Variants in CRADD observed in about 807,000 individuals in gnomAD.
The protein encoded by CRADD is death domain-containing protein CRADD.
In CRADD, 9 loss-of-function variants were observed where a neutral mutation model predicts 15.5. The observed-to-expected ratio is 0.58, with a 90% CI of 0.35 to 1.01. The LOEUF (loss-of-function observed/expected upper bound fraction) is 1.01, where lower values mean the gene tolerates loss of function less well. Ranked by LOEUF, CRADD falls within the 50% of genes least tolerant of loss-of-function variation. The pLI is 0.02. For missense variants in CRADD, 227 were observed against 250.3 expected (o/e 0.91, Z 0.63); for synonymous variants, 118 against 107.6 (o/e 1.10, Z -0.60).
intron 2 of CRADD, among the ~76,000 whole-genome samples, chr12:93,764,353 T>C (rs187056518): frequency 3.6e-4 from 55 of 151,890 alleles, no homozygotes; most frequent in Non-Finnish European, 7.2e-4. Flanking sequence ...TCTAGAAATG[T>C]TTAGGGATAC....
At chr12:93,841,516 T>G (rs1403214009) in intron 2 of CRADD, among the ~76,000 whole-genome samples, 1 of 152,216 alleles carries the variant, frequency 6.6e-6, no homozygotes, top group Non-Finnish European at 1.5e-5. Flanking sequence ...GGGCTCTTTG[T>G]CAAGGGAGGG....
chr12:93,855,994 G>T (rs10745666), intron 2 of CRADD, among the ~76,000 whole-genome samples: 63,096 of 151,684 alleles, frequency 0.42, 13,354 homozygotes, highest in Middle Eastern at 0.54. Flanking sequence ...TTGTAGTAGA[G>T]ACGGGGTTTC....
At chr12:93,857,322 C>A (rs564791644) in intron 2 of CRADD, among the ~76,000 whole-genome samples, 148 of 152,288 alleles carry the variant, frequency 9.7e-4, no homozygotes, top group African/African-American at 2.4e-3. Flanking sequence ...TGACGTATAA[C>A]CTCCTACTTG....
At chr12:93,802,785 G>C (rs913300401) in intron 2 of CRADD, among the ~76,000 whole-genome samples, 3 of 152,168 alleles carry the variant, frequency 2.0e-5, no homozygotes, top group Non-Finnish European at 4.4e-5. Flanking sequence ...GTTACTGGGG[G>C]AGCTTCTCAG....
chr12:93,690,642 T>G (rs11107154), intron 2 of CRADD, among the ~76,000 whole-genome samples: 1 of 152,112 alleles, frequency 6.6e-6, no homozygotes, highest in Non-Finnish European at 1.5e-5. Context: ...ACTACTGTTA[T>G]CATTTGCATT....
chr12:93,708,997 CT>C (rs953556576), intron 2 of CRADD: 3 of 152,186 alleles, frequency 2.0e-5, no homozygotes, highest in Non-Finnish European at 4.4e-5. Flanking sequence ...TCTCGGGCTT[CT>C]TTTATATGGG....
intron 2 of CRADD, among the ~76,000 whole-genome samples, chr12:93,781,261 A>G (rs1387175341): frequency 2.6e-5 from 4 of 152,184 alleles, no homozygotes; most frequent in East Asian, 1.9e-4. Context: ...TTCTAAAGAC[A>G]CAAGACAATA....
chr12:93,764,174 G>C (rs1176406557), intron 2 of CRADD, among the ~76,000 whole-genome samples: 1 of 140,782 alleles, frequency 7.1e-6, no homozygotes, highest in East Asian at 2.4e-4. Flanking sequence ...GATCAGACAT[G>C]ATCAACTTTT....
intron 2 of CRADD, among the ~76,000 whole-genome samples, chr12:93,847,057 C>G (rs1565937509): frequency 6.6e-6 from 1 of 152,190 alleles, no homozygotes; most frequent in Non-Finnish European, 1.5e-5. Flanking sequence ...GAGCTGAGAT[C>G]ACGCCACTGC....
intron 2 of CRADD, among the ~76,000 whole-genome samples, chr12:93,867,266 A>C (rs1415002471): frequency 6.6e-6 from 1 of 151,288 alleles, no homozygotes; most frequent in East Asian, 1.9e-4. Flanking sequence ...TACGGCTTTC[A>C]TTTTCCCTCC....
chr12:93,773,835 T>TTTTTG (rs1957112350), intron 2 of CRADD, among the ~76,000 whole-genome samples: 1 of 147,374 alleles, frequency 6.8e-6, no homozygotes, highest in Non-Finnish European at 1.5e-5. Flanking sequence ...TTTTTTTTTT[T>TTTTTG]GAGACAGGGT....
chr12:93,792,124 A>G (rs1273673068), intron 2 of CRADD, among the ~76,000 whole-genome samples: 1 of 152,172 alleles, frequency 6.6e-6, no homozygotes, highest in Non-Finnish European at 1.5e-5. Flanking sequence ...TCTCTTCACA[A>G]TAGCTGGAAG....
In CRADD at chr12:93,848,080, C is replaced by T. The variant is rs141513487; in HGVS notation, c.299-1890C>T. Among the ~76,000 whole-genome samples the T allele has an allele frequency of 1.9e-3, 292 of 152,180 alleles. 1 individual carries two copies. Among genetic ancestry groups the T allele is most frequent in the African/African-American group, 6.7e-3 (279 of 41,514 alleles). On this transcript the variant is annotated intron_variant, in intron 2 of 2. Transcript: ENST00000332896. ...ATACAGAGATATCCAGAATGATGGTCACCAACTGTAAACACAATAGCGGGA... is the reference window on the plus strand; with the variant it reads ...ATACAGAGATATCCAGAATGATGGTTACCAACTGTAAACACAATAGCGGGA...
intron 2 of CRADD, among the ~76,000 whole-genome samples, chr12:93,826,051 G>C (rs1320951543): frequency 6.6e-6 from 1 of 152,188 alleles, no homozygotes; most frequent in African/African-American, 2.4e-5. Context: ...AAATCTGAAA[G>C]CCCGGAACTT....
chr12:93,680,861 G>A (rs1336868566), intron 2 of CRADD, among the ~76,000 whole-genome samples: 1 of 151,908 alleles, frequency 6.6e-6, no homozygotes, highest in Non-Finnish European at 1.5e-5. Context: ...TCATGCTGTT[G>A]TATGTCATTC....
intron 2 of CRADD, among the ~76,000 whole-genome samples, chr12:93,731,952 C>T (rs911051725): frequency 9.9e-5 from 15 of 152,106 alleles, no homozygotes; most frequent in African/African-American, 3.4e-4. Flanking sequence ...GATTGACCAA[C>T]ATGGAGAAAC....
In CRADD at chr12:93,678,897, T is replaced by C. The variant is rs1046998433; in HGVS notation, c.123T>C (p.Ile41=). The change falls in exon 2 of 3, where the codon ATT becomes ATC. Residue 41 remains isoleucine (I), a synonymous_variant. Transcript: ENST00000332896. ...AAGGAATCTTGACGGAAAACCATAT[T>C]CAAGAAATCAATGCTCAAACCACAG... ...YQEGILTENH[I]QEINAQTTGL... The C allele has an allele frequency of 6.2e-7, 1 of 1,614,178 alleles. No homozygotes were observed. Among genetic ancestry groups the C allele is most frequent in the Non-Finnish European group, 8.5e-7 (1 of 1,180,030 alleles).
intron 2 of CRADD, among the ~76,000 whole-genome samples, chr12:93,718,999 ATCT>A (rs1371061088): frequency 2.1e-4 from 32 of 152,260 alleles, no homozygotes; most frequent in Non-Finnish European, 4.1e-4. Context: ...GGCTCTAGCA[ATCT>A]TCTTGCCTCA....
chr12:93,883,230 G>A (rs979132144), intron 2 of CRADD, among the ~76,000 whole-genome samples: 4 of 152,148 alleles, frequency 2.6e-5, no homozygotes, highest in African/African-American at 9.7e-5. Context: ...AAGTCCAAGA[G>A]GTTTCTTAGA....
Sources: allele counts gnomAD v4.1 joint callset (sites outside exome capture counted in the v4.1 genomes callset), GRCh38; gene constraint gnomAD v4.1.1; transcripts MANE v1.5; gene names NCBI Gene and HGNC (gene_info 2026-07-23, HGNC 2026-07-21).